Variants in ZNF429 observed in about 807,000 individuals in gnomAD.
ZNF429 encodes zinc finger protein 429.
A neutral mutation model predicts 56.8 loss-of-function variants in ZNF429; 53 were observed. That is an observed-to-expected ratio of 0.93 (90% CI 0.75 to 1.17). ZNF429 has a LOEUF of 1.17. ZNF429 is among the 50% of genes most tolerant of loss of function. The probability of loss-of-function intolerance (pLI) is 0.00; values close to 1 mark genes in which losing one functional copy is unlikely to be tolerated. For missense variants in ZNF429, 849 were observed against 788.4 expected (o/e 1.08, Z -0.92); for synonymous variants, 278 against 264.7 (o/e 1.05, Z -0.49).
chr19:21,537,621 G>T lies in ZNF429; in HGVS notation c.1568G>T (p.Arg523Ile), dbSNP rs759051894. The change falls in exon 4 of 4, where the codon AGA becomes ATA. Residue 523 changes from arginine (R) to isoleucine (I), a missense_variant. Coordinates refer to ENST00000358491, the MANE Select transcript of ZNF429 (RefSeq NM_001001415.4). ...ECGKAFILSS[R>I]LTQHKKIHTG... is the part of the protein sequence containing the mutation. ...GGCAAAGCTTTTATCCTGTCCTCAA[G>T]ACTTACTCAACATAAGAAAATTCAT... 1 of 1,607,768 alleles carries T rather than the reference G, an allele frequency of 6.2e-7. No individual in the cohort carries two copies. The highest frequency in any genetic ancestry group is 2.2e-5 in the East Asian group (1 of 44,502).
intron 1 of ZNF429, among the ~76,000 whole-genome samples, chr19:21,506,443 C>CAAAAAAA (rs1229591215): frequency 1.0e-5 from 1 of 99,244 alleles, no homozygotes. Flanking sequence ...CTATCTCAAA[C>CAAAAAAA]AAAAAAAAAA....
At chr19:21,508,012 G>A (rs148186290) in intron 1 of ZNF429, among the ~76,000 whole-genome samples, 2,518 of 152,284 alleles carry the variant, frequency 0.017, 48 homozygotes, top group Admixed American at 0.051. Flanking sequence ...CAGCACTTTG[G>A]GAGGCCAAGG....
intron 1 of ZNF429, among the ~76,000 whole-genome samples, chr19:21,524,507 G>A (rs2650759): frequency 0.19 from 28,178 of 151,296 alleles, 2,658 homozygotes; most frequent in Middle Eastern, 0.22. Context: ...CAGCCTGGGT[G>A]ACAGAGCGAG....
chr19:21,509,560 CAGTT>C (rs201878817), intron 1 of ZNF429, among the ~76,000 whole-genome samples: 3 of 152,146 alleles, frequency 2.0e-5, no homozygotes, highest in Admixed American at 6.6e-5. Flanking sequence ...ATTTAAGATC[CAGTT>C]AGTTCTTTCT....
intron 1 of ZNF429, chr19:21,507,575 G>A (rs2032239715): frequency 6.6e-6 from 1 of 152,134 alleles, no homozygotes; most frequent in South Asian, 2.1e-4. Flanking sequence ...GAATTTTTGT[G>A]GGGTGATGTG....
rs953315824 is a variant in ZNF429, at chr19:21,538,924, A to G, written c.*846A>G. On this transcript the variant is annotated 3_prime_UTR_variant, in exon 4 of 4. Transcript: ENST00000358491. ...ACAAATGTAAAGAGGGTTATAGTGC[A>G]TTTACTTGTATCACAGATCTTGTTG... Among the ~76,000 whole-genome samples, 2 of 152,184 alleles carry G rather than the reference A, an allele frequency of 1.3e-5. No homozygotes were observed. Among genetic ancestry groups the G allele is most frequent in the African/African-American group, 4.8e-5 (2 of 41,462 alleles).
At chr19:21,521,509 G>C (rs1021157502) in intron 1 of ZNF429, 3 of 152,178 alleles carry the variant, frequency 2.0e-5, no homozygotes, top group African/African-American at 7.2e-5. Flanking sequence ...GACAATAGCT[G>C]TGCATTTTGG....
At chr19:21,519,545 C>T (rs2032907735) in intron 1 of ZNF429, among the ~76,000 whole-genome samples, 1 of 152,198 alleles carries the variant, frequency 6.6e-6, no homozygotes, top group African/African-American at 2.4e-5. Context: ...TGCTTTTGTT[C>T]TGTTTCTGTA....
rs1181599540 is a variant in ZNF429, at chr19:21,539,264, T to C, written c.*1186T>C. 6.6e-6 allele frequency among the ~76,000 whole-genome samples: 1 copy of C among 150,804 alleles called. No homozygotes were observed. Among genetic ancestry groups the C allele is most frequent in the Non-Finnish European group, 1.5e-5 (1 of 67,990 alleles). On this transcript the variant is annotated 3_prime_UTR_variant, in exon 4 of 4. Transcript: ENST00000358491. ...TATTTAATACATAGAAAAGTCTACATGAATATCAGAATTTACAGTAGAAAC... is the reference window on the plus strand; with the variant it reads ...TATTTAATACATAGAAAAGTCTACACGAATATCAGAATTTACAGTAGAAAC...
rs756471909 is a variant in ZNF429 at position 21,539,900 on chromosome 19, G to A, written c.*1822G>A. On this transcript the variant is annotated 3_prime_UTR_variant, in exon 4 of 4. Transcript: ENST00000358491. ...ATAGACTCATTAGGTGGAAATTATGGCCTCTTCTGTAAAAAAGTAAGGACA... is the reference window on the plus strand; with the variant it reads ...ATAGACTCATTAGGTGGAAATTATGACCTCTTCTGTAAAAAAGTAAGGACA... Among the ~76,000 whole-genome samples the A allele has an allele frequency of 7.2e-5, 11 of 151,978 alleles. No individual in the cohort carries two copies. The highest frequency in any genetic ancestry group is 1.3e-4 in the Admixed American group (2 of 15,258).
At chr19:21,536,220 T>C in intron 3 of ZNF429, 60 bp from the exon 4 acceptor site, 1 of 1,474,096 alleles carries the variant, frequency 6.8e-7, no homozygotes, top group Non-Finnish European at 9.0e-7. Flanking sequence ...GTTTTGTTTG[T>C]GACGTATATA....
chr19:21,537,727 T>A lies in ZNF429; in HGVS notation c.1674T>A (p.Ile558=), dbSNP rs1389309364. The stretch of plus-strand genomic sequence containing the variant: ...CAAGACTTACTCAACATAAGAAAAT[T>A]CATACTGGAGAGAAACCCTACAAAT... The part of the protein sequence containing the change: ...RSSRLTQHKK[I]HTGEKPYKCK... Residue 558 remains isoleucine (I), a synonymous_variant, in exon 4 of 4, where the codon ATT becomes ATA. Coordinates refer to ENST00000358491, the MANE Select transcript of ZNF429 (RefSeq NM_001001415.4). 1 of 1,613,664 alleles carries A rather than the reference T, an allele frequency of 6.2e-7. No homozygotes were observed. The highest frequency in any genetic ancestry group is 1.3e-5 in the African/African-American group (1 of 74,792).
At chr19:21,513,865 C>G (rs1442064105) in intron 1 of ZNF429, among the ~76,000 whole-genome samples, 5 of 152,188 alleles carry the variant, frequency 3.3e-5, no homozygotes, top group Non-Finnish European at 7.3e-5. Flanking sequence ...TACACACCCA[C>G]TAGACATTGA....
chr19:21,525,998 T>C (rs1268823072), intron 1 of ZNF429, among the ~76,000 whole-genome samples: 1 of 152,306 alleles, frequency 6.6e-6, no homozygotes, highest in African/African-American at 2.4e-5. Flanking sequence ...TAACATACTC[T>C]TGAGCACATA....
At chr19:21,527,871 A>AT (rs2033225413) in intron 1 of ZNF429, among the ~76,000 whole-genome samples, 1 of 151,948 alleles carries the variant, frequency 6.6e-6, no homozygotes, top group Non-Finnish European at 1.5e-5. Context: ...ATAAATGGCG[A>AT]TTTTTCAGCT....
At chr19:21,531,438 G>A in intron 3 of ZNF429, among the ~76,000 whole-genome samples, 1 of 152,066 alleles carries the variant, frequency 6.6e-6, no homozygotes, top group Non-Finnish European at 1.5e-5. Context: ...ATGCAAAACT[G>A]TATTGTACCC....
In ZNF429 at chr19:21,540,285, A is replaced by G. The variant is rs957578020; in HGVS notation, c.*2207A>G. Among the ~76,000 whole-genome samples, 2 of 152,212 alleles carry G rather than the reference A, an allele frequency of 1.3e-5. No individual in the cohort carries two copies. Among genetic ancestry groups the G allele is most frequent in the East Asian group, 1.9e-4 (1 of 5,202 alleles). On this transcript the variant is annotated 3_prime_UTR_variant, in exon 4 of 4. Coordinates refer to ENST00000358491, the MANE Select transcript of ZNF429 (RefSeq NM_001001415.4). ...AGGTAGCAGTATGCTATTTAGTAAC[A>G]TAGTGGAATAGCATCTCTAGTAATC...
intron 3 of ZNF429, among the ~76,000 whole-genome samples, chr19:21,535,863 C>T: frequency 2.0e-5 from 3 of 152,180 alleles, no homozygotes; most frequent in South Asian, 2.1e-4. Context: ...AAGCTAAATC[C>T]AGCATCTGGT....
chr19:21,537,822 A>G lies in ZNF429; in HGVS notation c.1769A>G (p.Glu590Gly). ...AGTCATAAGAAAATTCATAGTGGAG[A>G]GAAACCCTACAAATGTGAAGAATGT... ...LSSHKKIHSG[E>G]KPYKCEECGK... The change falls in exon 4 of 4, where the codon GAG (glutamate) becomes GGG (glycine). Residue 590 changes from glutamate (E) to glycine (G), a missense_variant. Coordinates refer to ENST00000358491, the MANE Select transcript of ZNF429 (RefSeq NM_001001415.4). 1 of 1,613,804 alleles carries G rather than the reference A, an allele frequency of 6.2e-7. No homozygotes were observed. Among genetic ancestry groups the G allele is most frequent in the Non-Finnish European group, 8.5e-7 (1 of 1,180,012 alleles).
Sources: gnomAD v4.1 joint callset for allele counts (sites outside exome capture counted in the v4.1 genomes callset) on GRCh38, gnomAD v4.1.1 for gene constraint, MANE v1.5 for transcripts, NCBI Gene and HGNC (gene_info 2026-07-23, HGNC 2026-07-21) for gene names.